MFSD6: variants seen among roughly 807,000 people sequenced by gnomAD.
MFSD6 encodes the protein major facilitator superfamily domain-containing protein 6.
A neutral mutation model predicts 56.3 loss-of-function variants in MFSD6; 26 were observed. That is an observed-to-expected ratio of 0.46 (90% CI 0.34 to 0.64). The LOEUF (loss-of-function observed/expected upper bound fraction) is 0.64, where lower values mean the gene tolerates loss of function less well. Ranked by LOEUF, MFSD6 falls within the 30% of genes least tolerant of loss-of-function variation. The pLI is 0.01. For synonymous variants in MFSD6, 331 were observed against 366.9 expected (o/e 0.90, Z 1.12); for missense variants, 750 against 986.2 (o/e 0.76, Z 3.21).
chr2:190,411,375 G>T, intron 1 of MFSD6: 1 of 601,150 alleles, frequency 1.7e-6, no homozygotes, highest in African/African-American at 2.0e-5. Context: ...GGCCAGGATG[G>T]TCTCCATCTC....
intron 2 of MFSD6, among the ~76,000 whole-genome samples, chr2:190,422,166 G>C (rs1685640896): frequency 6.6e-6 from 1 of 152,132 alleles, no homozygotes; most frequent in Admixed American, 6.5e-5. Flanking sequence ...GTATTTATCA[G>C]TTATTCATCC....
rs7590573 is a variant in MFSD6 at position 190,440,309 on chromosome 2, A to G, written c.1532+2748A>G. On this transcript the variant is annotated intron_variant, in intron 3 of 7. Coordinates refer to ENST00000392328, the MANE Select transcript of MFSD6 (RefSeq NM_017694.4). ...TTCTCAGGGACTGACCTGTCAGTCTAAACACACACACATAGAGTATCTGAT... is the reference window on the plus strand; with the variant it reads ...TTCTCAGGGACTGACCTGTCAGTCTGAACACACACACATAGAGTATCTGAT... Among the ~76,000 whole-genome samples the G allele has an allele frequency of 8.8e-3, 1,346 of 152,340 alleles. 22 individuals carry two copies. Among genetic ancestry groups the G allele is most frequent in the African/African-American group, 0.03 (1,259 of 41,584 alleles).
At chr2:190,409,465 T>C (rs1039565415) in intron 1 of MFSD6, among the ~76,000 whole-genome samples, 4 of 152,136 alleles carry the variant, frequency 2.6e-5, no homozygotes, top group African/African-American at 9.7e-5. Flanking sequence ...TAATCCCAAC[T>C]GGTATTTAAA....
In MFSD6 at chr2:190,492,576, G is replaced by T. The variant is rs550316252; in HGVS notation, c.1891+2710G>T. Among the ~76,000 whole-genome samples the T allele has an allele frequency of 1.3e-5, 2 of 152,184 alleles. No individual in the cohort carries two copies. The highest frequency in any genetic ancestry group is 1.5e-5 in the Non-Finnish European group (1 of 68,002). On this transcript the variant is annotated intron_variant, in intron 6 of 7. Transcript: ENST00000392328. The surrounding 1 kb of genome is among the most constrained non-coding windows in gnomAD (Gnocchi z 5.2). ...TTGGGTCAACAGCAAAATCAATATGGAAATTTAAAATTGAACTGAACAATA... is the reference window on the plus strand; with the variant it reads ...TTGGGTCAACAGCAAAATCAATATGTAAATTTAAAATTGAACTGAACAATA...
Position 190,497,549 on chromosome 2 carries a change from A to T in MFSD6, c.2002A>T (p.Arg668Ter). The change falls in exon 7 of 8, where the codon AGA (arginine) becomes TGA (stop). Residue 668 changes from arginine (R) to a stop codon, truncating the protein, a stop_gained. Transcript: ENST00000392328. LOFTEE classifies it high-confidence loss of function. This position sits in a 1 kb window ranked among gnomAD's most constrained non-coding sequence, Gnocchi z 5.2. ...TEDVMPRIEPRLPPKKTKHQE... is the reference protein window; with the variant it reads ...TEDVMPRIEP Reference sequence around the variant, plus strand: ...AGATGTCATGCCACGCATTGAGCCCAGACTTCCACCCAAGAAAACTAAGCA... The same window carrying T: ...AGATGTCATGCCACGCATTGAGCCCTGACTTCCACCCAAGAAAACTAAGCA... 1 of 1,614,260 alleles carries T rather than the reference A, an allele frequency of 6.2e-7. No individual in the cohort carries two copies. Among genetic ancestry groups the T allele is most frequent in the Non-Finnish European group, 8.5e-7 (1 of 1,180,046 alleles).
chr2:190,491,915 C>T lies in MFSD6; in HGVS notation c.1891+2049C>T, dbSNP rs1216990192. 6.6e-6 allele frequency among the ~76,000 whole-genome samples: 1 copy of T among 151,986 alleles called. No homozygotes were observed. The highest frequency in any genetic ancestry group is 1.5e-5 in the Non-Finnish European group (1 of 67,996). On this transcript the variant is annotated intron_variant, in intron 6 of 7. Transcript: ENST00000392328. This position sits in a 1 kb window ranked among gnomAD's most constrained non-coding sequence, Gnocchi z 4.2. ...ATTTAAGGAAATCAAAAAAATGATA[C>T]AAGAAGTGAGGGGAGAAATCTTCAA...
intron 4 of MFSD6, among the ~76,000 whole-genome samples, chr2:190,478,465 C>T (rs781121222): frequency 1.3e-5 from 2 of 152,170 alleles, no homozygotes; most frequent in Non-Finnish European, 2.9e-5. Flanking sequence ...TAAAATCCTG[C>T]ATCACAGAAA....
chr2:190,422,861 GTCTCATTTTT>G (rs1462204931), intron 2 of MFSD6, among the ~76,000 whole-genome samples: 1 of 151,574 alleles, frequency 6.6e-6, no homozygotes, highest in Non-Finnish European at 1.5e-5. Context: ...TGCTATATCT[GTCTCATTTTT>G]TCTCTCCTAC....
In MFSD6 at chr2:190,500,244, G is replaced by GCATGGAATCAGGCTC; in HGVS notation, c.*28_*42dup. On this transcript the variant is annotated 3_prime_UTR_variant, in exon 8 of 8. Transcript: ENST00000392328. This position sits in a 1 kb window ranked among gnomAD's most constrained non-coding sequence, Gnocchi z 5.3. ...GGGCATCCTGCTCATCTCACACCCT[G>GCATGGAATCAGGCTC]CATGGAATCAGGCTCCTCAGCCAGG... The GCATGGAATCAGGCTC allele has an allele frequency of 6.2e-7, 1 of 1,613,010 alleles. No individual in the cohort carries two copies. The highest frequency in any genetic ancestry group is 8.5e-7 in the Non-Finnish European group (1 of 1,179,364).
chr2:190,458,949 G>C lies in MFSD6; in HGVS notation c.1533-10809G>C, dbSNP rs1687181492. Among the ~76,000 whole-genome samples the C allele has an allele frequency of 6.6e-6, 1 of 152,200 alleles. No individual in the cohort carries two copies. The highest frequency in any genetic ancestry group is 2.1e-4 in the South Asian group (1 of 4,834). ...AGCTGAGAACAGAGAATCATGCTTA[G>C]TTTCTGCTTAGCAGAAGGTAAAACA... On this transcript the variant is annotated intron_variant, in intron 3 of 7. Coordinates refer to ENST00000392328, the MANE Select transcript of MFSD6 (RefSeq NM_017694.4). This position sits in a 1 kb window ranked among gnomAD's most constrained non-coding sequence, Gnocchi z 5.3.
intron 2 of MFSD6, among the ~76,000 whole-genome samples, chr2:190,429,063 A>G (rs1174735487): frequency 2.0e-5 from 3 of 152,078 alleles, no homozygotes; most frequent in Non-Finnish European, 4.4e-5. Flanking sequence ...CAAGTTGATC[A>G]TCTTTTTACA....
chr2:190,486,408 A>C (rs957162206), intron 4 of MFSD6, among the ~76,000 whole-genome samples: 5 of 152,198 alleles, frequency 3.3e-5, no homozygotes, highest in African/African-American at 1.2e-4. Flanking sequence ...CTATGATGCT[A>C]TCTCCTCTCT....
In MFSD6 at chr2:190,467,460, A is replaced by G. The variant is rs895231929; in HGVS notation, c.1533-2298A>G. On this transcript the variant is annotated intron_variant, in intron 3 of 7. Coordinates refer to ENST00000392328, the MANE Select transcript of MFSD6 (RefSeq NM_017694.4). The surrounding 1 kb of genome is among the most constrained non-coding windows in gnomAD (Gnocchi z 5.5). Reference sequence around the variant, plus strand: ...AAACCTCGTCTCTACTAAAAATACAAAAATTAGCCAGGCATGGTGGCACAT... The same window carrying G: ...AAACCTCGTCTCTACTAAAAATACAGAAATTAGCCAGGCATGGTGGCACAT... 1.3e-5 allele frequency among the ~76,000 whole-genome samples: 2 copies of G among 152,180 alleles called. No homozygotes were observed. Among genetic ancestry groups the G allele is most frequent in the African/African-American group, 4.8e-5 (2 of 41,452 alleles).
rs543116735 is a variant in MFSD6, at chr2:190,452,170, G to A, written c.1532+14609G>A. ...AAAATAAGTTTAAAAATCTCCAATC[G>A]CTTGAACCTGGGAAGTGGACGTTGC... On this transcript the variant is annotated intron_variant, in intron 3 of 7. Coordinates refer to ENST00000392328, the MANE Select transcript of MFSD6 (RefSeq NM_017694.4). Among the ~76,000 whole-genome samples the A allele has an allele frequency of 1.3e-4, 19 of 151,650 alleles. No homozygotes were observed. In the South Asian group the frequency reaches 1.7e-3, roughly 13 times the overall value.
intron 2 of MFSD6, among the ~76,000 whole-genome samples, chr2:190,420,063 T>C (rs1450635347): frequency 6.6e-6 from 1 of 152,202 alleles, no homozygotes; most frequent in African/African-American, 2.4e-5. Flanking sequence ...TTTTCAAGTT[T>C]CTTTTTTTAA....
rs1175070216 is a variant in MFSD6, at chr2:190,501,526, G to T, written c.*1308G>T. 1 of 152,182 alleles carries T rather than the reference G, an allele frequency of 6.6e-6. No homozygotes were observed. Among genetic ancestry groups the T allele is most frequent in the African/African-American group, 2.4e-5 (1 of 41,432 alleles). The allele number at this position is 152,182 out of a possible 1,614,324, so 9.4% of individuals were successfully genotyped here. A position where few individuals can be genotyped will look rare whatever the true frequency, so the allele number is the denominator to read the frequency against. Reference sequence around the variant, plus strand: ...GGAAAACTGTTTTAGCTGAATAAAGGTGAATTATATAATTTATAATAGCTG... The same window carrying T: ...GGAAAACTGTTTTAGCTGAATAAAGTTGAATTATATAATTTATAATAGCTG... On this transcript the variant is annotated 3_prime_UTR_variant, in exon 8 of 8. Transcript: ENST00000392328.
intron 4 of MFSD6, among the ~76,000 whole-genome samples, chr2:190,484,448 C>T (rs1209134532): frequency 2.0e-5 from 3 of 152,028 alleles, no homozygotes; most frequent in African/African-American, 7.3e-5. Flanking sequence ...ATCTTTTGTC[C>T]CCTCTACTTT....
At position 190,441,364 on chromosome 2, in the gene MFSD6, C is replaced by T. The variant is rs763412698; in HGVS notation, c.1532+3803C>T. 5.6e-4 allele frequency among the ~76,000 whole-genome samples: 85 copies of T among 151,646 alleles called. 1 individual carries two copies. The highest frequency in any genetic ancestry group is 1.9e-4 in the Non-Finnish European group (13 of 67,952). The stretch of plus-strand genomic sequence containing the variant: ...TACATCAGTCTTTCTAGGGGTGTAC[C>T]GAGGCATTCAACGTTTTTACAGCTT... On this transcript the variant is annotated intron_variant, in intron 3 of 7. Coordinates refer to ENST00000392328, the MANE Select transcript of MFSD6 (RefSeq NM_017694.4).
rs1309886527 is a variant in MFSD6 at position 190,454,982 on chromosome 2, ATGTAT to A, written c.1533-14775_1533-14771del. Among the ~76,000 whole-genome samples the A allele has an allele frequency of 6.1e-5, 5 of 82,304 alleles. No homozygotes were observed. Among genetic ancestry groups the A allele is most frequent in the African/African-American group, 1.7e-4 (5 of 29,786 alleles). 54.0% of individuals were successfully genotyped at this position (82,304 alleles called of 152,430 possible). On this transcript the variant is annotated intron_variant, in intron 3 of 7. Coordinates refer to ENST00000392328, the MANE Select transcript of MFSD6 (RefSeq NM_017694.4). This position sits in a 1 kb window ranked among gnomAD's most constrained non-coding sequence, Gnocchi z 4.6. ...TATGTATATGTATATGTATATGTAT[ATGTAT>A]ATGTATATGTATAATGTATATGTAT...
Sources: allele counts gnomAD v4.1 joint callset (sites outside exome capture counted in the v4.1 genomes callset), GRCh38; gene constraint gnomAD v4.1.1; non-coding constraint Gnocchi (gnomAD v3.1); transcripts MANE v1.5; gene names NCBI Gene and HGNC (gene_info 2026-07-23, HGNC 2026-07-21).